WNK2: variants seen among roughly 807,000 people sequenced by gnomAD.
The protein encoded by WNK2 is WNK lysine deficient protein kinase 2, also known as serine/threonine-protein kinase WNK2.
Under a neutral mutation model 192.1 loss-of-function variants are expected in WNK2, and 67 were observed. The observed-to-expected ratio is 0.35, with a 90% CI of 0.29 to 0.43. WNK2 has a LOEUF of 0.43. Ranked by LOEUF, WNK2 falls within the 20% of genes least tolerant of loss-of-function variation. The pLI, the probability that WNK2 is intolerant of heterozygous loss-of-function variation, is 1.00. For missense variants in WNK2, 2,698 were observed against 3,089.7 expected, an observed-to-expected ratio of 0.87 and a Z score of 3.01; for synonymous variants, 1,439 against 1,393.9, an observed-to-expected ratio of 1.03 and a Z score of -0.72.
intron 2 of WNK2, among the ~76,000 whole-genome samples, chr9:93,220,180 G>T (rs1836589004): frequency 6.6e-6 from 1 of 152,214 alleles, no homozygotes; most frequent in Admixed American, 6.5e-5. Context: ...TGTACACAGG[G>T]TGCATATTAC....
chr9:93,292,987 C>G lies in WNK2; in HGVS notation c.5522C>G (p.Thr1841Ser). Residue 1841 changes from threonine to serine, a missense_variant, in exon 23 of 30, where the codon ACC becomes AGC. Around this residue, in one of 7 missense-constraint regions of WNK2, gnomAD observed 1,098 missense variants for 1,101.0 expected, o/e 1.00. Transcript: ENST00000427277. ...SVAGDFVKKA[T>S]AFLQRPSRAG... is the part of the protein sequence containing the mutation. ...GCTGGCGACTTCGTGAAGAAGGCCACCGCCTTCCTGCAGAGGCCTTCTCGG... is the reference window on the plus strand; with the variant it reads ...GCTGGCGACTTCGTGAAGAAGGCCAGCGCCTTCCTGCAGAGGCCTTCTCGG... 6.4e-7 allele frequency: 1 copy of G among 1,562,514 alleles called. No individual in the cohort carries two copies. The highest frequency in any genetic ancestry group is 8.6e-7 in the Non-Finnish European group (1 of 1,156,716).
intron 19 of WNK2, among the ~76,000 whole-genome samples, chr9:93,281,809 A>G (rs772159759): frequency 3.3e-5 from 5 of 152,232 alleles, no homozygotes; most frequent in African/African-American, 4.8e-5. Flanking sequence ...CCCCTGTCTC[A>G]GTACAGATAA....
intron 19 of WNK2, among the ~76,000 whole-genome samples, chr9:93,279,905 CAAAAT>C (rs936349801): frequency 2.0e-5 from 3 of 152,076 alleles, no homozygotes; most frequent in African/African-American, 7.2e-5. Context: ...AAAATCCACT[CAAAAT>C]AGAATGCAGA....
rs540040002 is a variant in WNK2, at chr9:93,274,309, G to A, written c.4033+5563G>A. ...GGGTGGATCACGACGTCAGGAGATC[G>A]AGACCATCCTGGCTAACACGGTGAA... On this transcript the variant is annotated intron_variant, in intron 19 of 29. Transcript: ENST00000427277. Among the ~76,000 whole-genome samples, 16 of 152,210 alleles carry A rather than the reference G, an allele frequency of 1.1e-4. No individual in the cohort carries two copies. The South Asian group carries it at 1.9e-3, about 18-fold the overall frequency.
intron 7 of WNK2, among the ~76,000 whole-genome samples, chr9:93,245,129 T>C (rs1841464794): frequency 6.6e-6 from 1 of 151,624 alleles, no homozygotes; most frequent in Non-Finnish European, 1.5e-5. Flanking sequence ...AAACAAAGAC[T>C]TTTGAATAAT....
intron 2 of WNK2, among the ~76,000 whole-genome samples, chr9:93,208,648 T>C (rs1049863229): frequency 7.7e-5 from 1 of 12,956 alleles, no homozygotes; most frequent in African/African-American, 3.5e-4. Flanking sequence ...GCACATGTTC[T>C]GTGTGTGCAT....
At chr9:93,253,167 C>G in intron 9 of WNK2, 85 bp downstream of exon 9, 1 of 1,180,008 alleles carries the variant, frequency 8.5e-7, no homozygotes, top group Non-Finnish European at 1.1e-6. Context: ...CTGTGATGGG[C>G]TGTCCAGGCT....
intron 7 of WNK2, among the ~76,000 whole-genome samples, chr9:93,240,218 T>C (rs924607152): frequency 1.3e-5 from 2 of 152,184 alleles, no homozygotes; most frequent in Non-Finnish European, 2.9e-5. Flanking sequence ...ACCCAGGGGA[T>C]TAGCAGCTCC....
At chr9:93,234,753 G>C in intron 4 of WNK2, 55 bp from the exon 5 acceptor site, 1 of 1,574,566 alleles carries the variant, frequency 6.4e-7, no homozygotes, top group Non-Finnish European at 8.6e-7. Context: ...ACTGGCTCCA[G>C]CTCTTCCTGG....
At chr9:93,219,405 A>G (rs1012323844) in intron 2 of WNK2, among the ~76,000 whole-genome samples, 1 of 152,250 alleles carries the variant, frequency 6.6e-6, no homozygotes, top group South Asian at 2.1e-4. Context: ...TCTTCTGACC[A>G]CAGTAGGGAT....
At chr9:93,263,001 G>A (rs571870748) in intron 14 of WNK2, among the ~76,000 whole-genome samples, 10 of 152,314 alleles carry the variant, frequency 6.6e-5, no homozygotes, top group Non-Finnish European at 1.2e-4. Context: ...GGCTATGGGC[G>A]GAGTTGGCAG....
At position 93,230,941 on chromosome 9, in the gene WNK2, G is replaced by A. The variant is rs1838699286; in HGVS notation, c.908G>A (p.Arg303Gln). 6.2e-7 allele frequency: 1 copy of A among 1,613,794 alleles called. No individual in the cohort carries two copies. Among genetic ancestry groups the A allele is most frequent in the Non-Finnish European group, 8.5e-7 (1 of 1,179,862 alleles). Reference sequence around the variant, plus strand: ...CCCAAGGTTCTCCGCAGCTGGTGCCGGCAGATCCTGAAGGGCCTGCTGTTC... The same window carrying A: ...CCCAAGGTTCTCCGCAGCTGGTGCCAGCAGATCCTGAAGGGCCTGCTGTTC... The part of the protein sequence containing the change: ...MKPKVLRSWC[R>Q]QILKGLLFLH... The change falls in exon 4 of 30, where the codon CGG becomes CAG. Residue 303 changes from arginine to glutamine, a missense_variant. By Grantham distance (43) the Arg-to-Gln change is conservative (BLOSUM62 1). Transcript: ENST00000427277.
chr9:93,192,298 C>A lies in WNK2; in HGVS notation c.681+6688C>A, dbSNP rs540331621. Among the ~76,000 whole-genome samples the A allele has an allele frequency of 1.8e-3, 274 of 150,294 alleles. 1 individual carries two copies. The highest frequency in any genetic ancestry group is 2.1e-3 in the Non-Finnish European group (139 of 67,742). ...ACTGCACTCCAGCCCGGCGACAGAG[C>A]GAGACTCCGTCTCAAGAAAAAAAAA... On this transcript the variant is annotated intron_variant, in intron 2 of 29. Transcript: ENST00000427277.
intron 2 of WNK2, among the ~76,000 whole-genome samples, chr9:93,211,391 A>G (rs1321257418): frequency 2.1e-5 from 3 of 144,470 alleles, no homozygotes; most frequent in Admixed American, 6.9e-5. Flanking sequence ...TCACTCACTC[A>G]TATACTCACT....
chr9:93,297,918 G>A lies in WNK2; in HGVS notation c.5774G>A (p.Arg1925His), dbSNP rs140079317. Residue 1925 changes from arginine to histidine, a missense_variant, in exon 24 of 30, where the codon CGC (arginine) becomes CAC (histidine). By Grantham distance (29) the Arg-to-His change is conservative (BLOSUM62 0). Transcript: ENST00000427277. ...QKQEIEALYR[R>H]LGKPLPPNVG... is the part of the protein sequence containing the mutation. Reference sequence around the variant, plus strand: ...CAGGAGATCGAAGCTCTGTACCGCCGCCTGGGCAAGCCACTGCCCCCCAAC... The same window carrying A: ...CAGGAGATCGAAGCTCTGTACCGCCACCTGGGCAAGCCACTGCCCCCCAAC... The A allele has an allele frequency of 7.9e-5, 125 of 1,587,916 alleles. No individual in the cohort carries two copies. The highest frequency in any genetic ancestry group is 1.0e-4 in the Non-Finnish European group (119 of 1,168,956).
chr9:93,210,288 GAGGGATGGGCAGGGTGGGC>G (rs1438444679), intron 2 of WNK2, among the ~76,000 whole-genome samples: 2 of 151,366 alleles, frequency 1.3e-5, no homozygotes, highest in East Asian at 2.0e-4. Context: ...ATGGAGGGGT[GAGGGATGGGCAGGGTGGGC>G]AGGGATGGGG....
intron 23 of WNK2, among the ~76,000 whole-genome samples, chr9:93,293,445 G>T (rs1289058486): frequency 6.6e-6 from 1 of 151,172 alleles, no homozygotes; most frequent in Non-Finnish European, 1.5e-5. Context: ...TCAGCCTCCC[G>T]AGTAGCTGGG....
chr9:93,292,051 T>G (rs2133866796), intron 21 of WNK2, among the ~76,000 whole-genome samples: 1 of 152,326 alleles, frequency 6.6e-6, no homozygotes, highest in Middle Eastern at 3.4e-3. Flanking sequence ...GCCTCTTCTC[T>G]TGCCCGGGTT....
At chr9:93,308,724 C>T in intron 28 of WNK2, 140 bp downstream of exon 28, 1 of 1,378,790 alleles carries the variant, frequency 7.3e-7, no homozygotes, top group South Asian at 1.5e-5. Flanking sequence ...CCCACAGCCC[C>T]AAGAACTAGG....
Sources: gnomAD v4.1 joint callset for allele counts (sites outside exome capture counted in the v4.1 genomes callset) on GRCh38, gnomAD v4.1.1 for gene constraint, gnomAD v4.1.1 regional missense constraint, MANE v1.5 for transcripts, NCBI Gene and HGNC (gene_info 2026-07-23, HGNC 2026-07-21) for gene names.